Variants in PTGFRN observed in about 807,000 individuals in gnomAD.
The protein encoded by PTGFRN is prostaglandin F2 receptor negative regulator.
Under a neutral mutation model 83.2 loss-of-function variants are expected in PTGFRN, and 35 were observed. The observed-to-expected ratio is 0.42, with a 90% CI of 0.32 to 0.56. The LOEUF is 0.56. Ranked by LOEUF, PTGFRN falls within the 20% of genes least tolerant of loss-of-function variation. The pLI is 0.11. For synonymous variants in PTGFRN, 519 were observed against 498.6 expected (o/e 1.04, Z -0.55); for missense variants, 1,051 against 1,179.5 (o/e 0.89, Z 1.60).
chr1:116,965,379 G>A (rs553582808), intron 5 of PTGFRN, among the ~76,000 whole-genome samples: 50 of 152,082 alleles, frequency 3.3e-4, no homozygotes, highest in African/African-American at 1.1e-3. Context: ...ACTCGTTGTC[G>A]CCTCAAACTC....
intron 1 of PTGFRN, among the ~76,000 whole-genome samples, chr1:116,914,381 T>A (rs1649347669): frequency 6.6e-6 from 1 of 152,188 alleles, no homozygotes; most frequent in Non-Finnish European, 1.5e-5. Context: ...TGCCAGCTAC[T>A]ATGGAAGAAG....
At chr1:116,915,020 G>A (rs901631490) in intron 1 of PTGFRN, among the ~76,000 whole-genome samples, 20 of 152,110 alleles carry the variant, frequency 1.3e-4, no homozygotes, top group African/African-American at 4.8e-4. Flanking sequence ...TTACAGATAA[G>A]GAAACTGATG....
In PTGFRN at chr1:116,923,404, G is replaced by C. The variant is rs1384847923; in HGVS notation, c.49+13152G>C. Among the ~76,000 whole-genome samples the C allele has an allele frequency of 1.3e-5, 2 of 152,070 alleles. No homozygotes were observed. Among genetic ancestry groups the C allele is most frequent in the Non-Finnish European group, 2.9e-5 (2 of 68,008 alleles). ...TAAGACAGGTTTTTGTGGTAGAGTAGGAAAAAATGAAATCTATACATGTTA... is the reference window on the plus strand; with the variant it reads ...TAAGACAGGTTTTTGTGGTAGAGTACGAAAAAATGAAATCTATACATGTTA... On this transcript the variant is annotated intron_variant, in intron 1 of 8. Coordinates refer to ENST00000393203, the MANE Select transcript of PTGFRN (RefSeq NM_020440.4). The surrounding 1 kb of genome is among the most constrained non-coding windows in gnomAD (Gnocchi z 4.0).
intron 1 of PTGFRN, among the ~76,000 whole-genome samples, chr1:116,914,785 CT>C (rs1396992572): frequency 1.3e-5 from 2 of 151,782 alleles, no homozygotes; most frequent in East Asian, 3.9e-4. Flanking sequence ...TGTGTCCACC[CT>C]CCTGCCCAGG....
intron 4 of PTGFRN, among the ~76,000 whole-genome samples, chr1:116,953,941 C>T (rs12410443): frequency 6.6e-6 from 1 of 151,534 alleles, no homozygotes; most frequent in African/African-American, 2.4e-5. Flanking sequence ...CAACCTCCGC[C>T]TCCCAGATTC....
In PTGFRN at chr1:116,986,816, A is replaced by T; in HGVS notation, c.2489A>T (p.Lys830Met). The change falls in exon 9 of 9, where the codon AAG (lysine) becomes ATG (methionine). Residue 830 changes from lysine (K) to methionine (M), a missense_variant. Physicochemically the swap from Lys to Met is moderately conservative, Grantham distance 95. This residue lies in a region of PTGFRN where 719 missense variants were observed against 836.6 expected (regional missense o/e 0.86). Transcript: ENST00000393203. ...TCCCTCCCAGTGCTGAACGCCTTCAAGTATCCCTTGCTGATCGGCGTCGGT... is the reference window on the plus strand; with the variant it reads ...TCCCTCCCAGTGCTGAACGCCTTCATGTATCCCTTGCTGATCGGCGTCGGT... ...TVKMDVLNAF[K>M]YPLLIGVGLS... 6.2e-7 allele frequency: 1 copy of T among 1,614,130 alleles called. No individual in the cohort carries two copies. Among genetic ancestry groups the T allele is most frequent in the Non-Finnish European group, 8.5e-7 (1 of 1,179,996 alleles).
At chr1:116,974,568 G>T in intron 7 of PTGFRN, 1 of 422,012 alleles carries the variant, frequency 2.4e-6, no homozygotes. Flanking sequence ...ACAGTCAGTG[G>T]GGTCACTTCC....
chr1:116,964,310 A>G (rs1413039624), intron 5 of PTGFRN, among the ~76,000 whole-genome samples: 2 of 151,986 alleles, frequency 1.3e-5, no homozygotes, highest in Non-Finnish European at 1.5e-5. Flanking sequence ...GGAAAATCCT[A>G]TTGTCAGTTA....
intron 3 of PTGFRN, among the ~76,000 whole-genome samples, chr1:116,945,627 G>A (rs188899416): frequency 1.3e-5 from 2 of 152,130 alleles, no homozygotes; most frequent in Admixed American, 1.3e-4. Flanking sequence ...TTCCTGGAAG[G>A]GGGAGGAGCT....
chr1:116,985,848 T>G (rs1651463251), intron 8 of PTGFRN, among the ~76,000 whole-genome samples: 1 of 152,180 alleles, frequency 6.6e-6, no homozygotes, highest in Non-Finnish European at 1.5e-5. Flanking sequence ...AGTCAGAGCT[T>G]TGTTCCTTGA....
intron 4 of PTGFRN, 127 bp downstream of exon 4, chr1:116,949,699 T>C (rs1650291083): frequency 7.5e-7 from 1 of 1,335,968 alleles, no homozygotes; most frequent in Admixed American, 2.8e-5. Flanking sequence ...GGTTCATGCA[T>C]ACTTTGGCCC....
At chr1:116,921,184 G>T (rs1487852994) in intron 1 of PTGFRN, among the ~76,000 whole-genome samples, 1 of 152,192 alleles carries the variant, frequency 6.6e-6, no homozygotes, top group African/African-American at 2.4e-5. Flanking sequence ...AGGTGCTACT[G>T]TTGATGCTGC....
At chr1:116,939,969 C>T (rs1248900806) in intron 1 of PTGFRN, among the ~76,000 whole-genome samples, 3 of 152,198 alleles carry the variant, frequency 2.0e-5, no homozygotes, top group African/African-American at 7.2e-5. Context: ...TCATCTCCAT[C>T]TGCAACCACC....
At chr1:116,973,526 A>G (rs1290948878) in intron 6 of PTGFRN, among the ~76,000 whole-genome samples, 1 of 151,238 alleles carries the variant, frequency 6.6e-6, no homozygotes, top group Non-Finnish European at 1.5e-5. Context: ...AATCACTTGA[A>G]TCCAGGAAGT....
At chr1:116,944,647 C>G (rs778818017) in intron 2 of PTGFRN, 32 bp from the exon 3 acceptor site, 1 of 1,387,778 alleles carries the variant, frequency 7.2e-7, no homozygotes, top group Non-Finnish European at 9.4e-7. Context: ...TCGGTGTGGA[C>G]GGGCTACTGA....
At chr1:116,974,115 C>T (rs1651076036) in intron 6 of PTGFRN, 101 bp from the exon 7 acceptor site, 3 of 880,856 alleles carry the variant, frequency 3.4e-6, no homozygotes, top group Non-Finnish European at 5.4e-6. Flanking sequence ...GACCAGTTCC[C>T]AGGGAAGAGA....
chr1:116,945,983 A>G (rs1650192652), intron 3 of PTGFRN, among the ~76,000 whole-genome samples: 1 of 152,042 alleles, frequency 6.6e-6, no homozygotes, highest in African/African-American at 2.4e-5. Flanking sequence ...GAGACAGTGT[A>G]AAGAGACCAA....
intron 1 of PTGFRN, among the ~76,000 whole-genome samples, chr1:116,919,301 C>T (rs1221805324): frequency 1.3e-5 from 2 of 152,198 alleles, no homozygotes; most frequent in South Asian, 2.1e-4. Flanking sequence ...GGACCAGGTG[C>T]GATGCAAGAG....
chr1:116,916,664 G>A (rs572286798), intron 1 of PTGFRN, among the ~76,000 whole-genome samples: 4 of 152,284 alleles, frequency 2.6e-5, no homozygotes, highest in South Asian at 4.1e-4. Flanking sequence ...ATGATTTGAC[G>A]AAGGATGGCA....
Sources: allele counts gnomAD v4.1 joint callset (sites outside exome capture counted in the v4.1 genomes callset), GRCh38; gene constraint gnomAD v4.1.1; regional missense constraint gnomAD v4.1.1; non-coding constraint Gnocchi (gnomAD v3.1); transcripts MANE v1.5; gene names NCBI Gene and HGNC (gene_info 2026-07-23, HGNC 2026-07-21).